The following ATG3 variants were observed in gnomAD, a reference collection of about 807,000 sequenced individuals.
The protein encoded by ATG3 is ubiquitin-like-conjugating enzyme ATG3.
Under a neutral mutation model 50.7 loss-of-function variants are expected in ATG3, and 25 were observed. The observed-to-expected ratio is 0.49, with a 90% CI of 0.36 to 0.69. The LOEUF is 0.69. ATG3 is among the 30% of genes least tolerant of loss of function. The pLI, the probability that ATG3 is intolerant of heterozygous loss-of-function variation, is 0.00. For missense variants in ATG3, 281 were observed against 376.0 expected (o/e 0.75, Z 2.09); for synonymous variants, 119 against 125.5 (o/e 0.95, Z 0.34).
chr3:112,532,720 G>A lies in ATG3; in HGVS notation c.924C>T (p.Tyr308=). The part of the protein sequence containing the change: ...QAVIPTIEYD[Y]TRHFTM ...TTCATTACATTGTGAAGTGTCTTGT[G>A]TAGTCATATTCTATTGTTGGAATGA... The change falls in exon 12 of 12, where the codon TAC becomes TAT. Residue 308 remains tyrosine, a synonymous_variant. Coordinates refer to ENST00000283290, the MANE Select transcript of ATG3 (RefSeq NM_022488.5). 6.3e-7 allele frequency: 1 copy of A among 1,597,480 alleles called. No homozygotes were observed. Among genetic ancestry groups the A allele is most frequent in the Non-Finnish European group, 8.5e-7 (1 of 1,171,446 alleles).
At chr3:112,561,367 C>A in intron 1 of ATG3, 90 bp downstream of exon 1, 1 of 1,383,516 alleles carries the variant, frequency 7.2e-7, no homozygotes, top group Non-Finnish European at 1.0e-6. Flanking sequence ...CACCTTGCCC[C>A]GCCGGAGAAA....
chr3:112,547,908 T>C (rs1004556668), intron 5 of ATG3, among the ~76,000 whole-genome samples: 2 of 152,232 alleles, frequency 1.3e-5, no homozygotes, highest in Non-Finnish European at 2.9e-5. Flanking sequence ...AATCCAGCAA[T>C]GGAATGACAA....
At chr3:112,558,923 G>C (rs34705559) in intron 1 of ATG3, among the ~76,000 whole-genome samples, 1 of 151,962 alleles carries the variant, frequency 6.6e-6, no homozygotes, top group African/African-American at 2.4e-5. Context: ...ATTTTTAGTA[G>C]AGACAGGGTT....
At chr3:112,543,752 A>G (rs1933294419) in intron 6 of ATG3, among the ~76,000 whole-genome samples, 1 of 152,218 alleles carries the variant, frequency 6.6e-6, no homozygotes, top group South Asian at 2.1e-4. Flanking sequence ...CTTTTAAACT[A>G]GCCTAGAAGT....
chr3:112,550,078 A>T, intron 4 of ATG3, 114 bp downstream of exon 4: 1 of 664,772 alleles, frequency 1.5e-6, no homozygotes, highest in Non-Finnish European at 2.5e-6. Context: ...AAAAGAAATA[A>T]CAGAAAGAGG....
chr3:112,534,335 T>C lies in ATG3; in HGVS notation c.797A>G (p.His266Arg). 3.4e-6 allele frequency: 5 copies of C among 1,480,814 alleles called. No homozygotes were observed. The highest frequency in any genetic ancestry group is 4.4e-6 in the Non-Finnish European group (5 of 1,126,028). The allele number at this position is 1,480,814 out of a possible 1,614,324, so 91.7% of individuals were successfully genotyped here. ...AATGATTTTCTTCATCACCTCAGCA[T>C]GCCTAGAAGCCAAAAAAAAAAAAAA... ...PPMCSVHPCR[H>R]AEVMKKIIET... The change falls in exon 11 of 12, where the codon CAT (histidine) becomes CGT (arginine). Residue 266 changes from histidine to arginine, a missense_variant and splice_region_variant. Physicochemically the swap from His to Arg is conservative, Grantham distance 29 (BLOSUM62 0). This residue lies in a region of ATG3 where 242 missense variants were observed against 305.0 expected (regional missense o/e 0.79). Transcript: ENST00000283290.
intron 1 of ATG3, among the ~76,000 whole-genome samples, chr3:112,558,661 TA>T (rs1933752834): frequency 6.6e-6 from 1 of 152,132 alleles, no homozygotes; most frequent in African/African-American, 2.4e-5. Context: ...AAGTCTAATG[TA>T]GGAAACAGAC....
At chr3:112,550,094 A>T (rs1933488112) in intron 4 of ATG3, 98 bp downstream of exon 4, 11 of 838,770 alleles carry the variant, frequency 1.3e-5, no homozygotes, top group Non-Finnish European at 2.0e-5. Context: ...AGAGGTGATA[A>T]AACTAAGGAA....
Position 112,532,582 on chromosome 3 carries a change from A to G in ATG3, c.*117T>C, listed in dbSNP as rs2082563751. 10 of 667,464 alleles carry G rather than the reference A, an allele frequency of 1.5e-5. No homozygotes were observed. The South Asian group carries it at 1.8e-4, about 12-fold the overall frequency. 41.3% of individuals were successfully genotyped at this position (667,464 alleles called of 1,614,324 possible). A position where few individuals can be genotyped will look rare whatever the true frequency, so the allele number is the denominator to read the frequency against. ...ATATTTTTATTTAATGCATAAACAT[A>G]TAAGTCCCTTATTAGAGAAACTGTA... On this transcript the variant is annotated 3_prime_UTR_variant, in exon 12 of 12. Transcript: ENST00000283290.
chr3:112,537,127 C>T (rs1933085197), intron 9 of ATG3, among the ~76,000 whole-genome samples: 1 of 151,906 alleles, frequency 6.6e-6, no homozygotes, highest in African/African-American at 2.4e-5. Flanking sequence ...GAGTCACAGC[C>T]AAGCTCTGTG....
At chr3:112,550,100 A>AGGAAAAAATTTTCAAGCAAT (rs1559846985) in intron 4 of ATG3, 92 bp downstream of exon 4, 1 of 892,058 alleles carries the variant, frequency 1.1e-6, no homozygotes, top group Non-Finnish European at 1.7e-6. Flanking sequence ...GATAAAACTA[A>AGGAAAAAATTTTCAAGCAAT]GGAAAAAATT....
intron 5 of ATG3, among the ~76,000 whole-genome samples, chr3:112,545,969 A>G (rs1933357544): frequency 6.6e-6 from 1 of 152,156 alleles, no homozygotes; most frequent in Non-Finnish European, 1.5e-5. Flanking sequence ...AATTAGTTGA[A>G]GGCCTTGTAA....
chr3:112,549,523 T>A lies in ATG3; in HGVS notation c.235+669A>T, dbSNP rs536296508. On this transcript the variant is annotated intron_variant, in intron 4 of 11. Transcript: ENST00000283290. ...AACTTCATAAATAAAACACTACCTG[T>A]TTCAGCCAGGCGCGGTGGCTCACAC... 1.8e-3 allele frequency among the ~76,000 whole-genome samples: 277 copies of A among 152,236 alleles called. 2 individuals are homozygous for A. Among genetic ancestry groups the A allele is most frequent in the African/African-American group, 6.5e-3 (268 of 41,546 alleles).
In ATG3 at chr3:112,538,152, T is replaced by C. The variant is rs769783390; in HGVS notation, c.504A>G (p.Thr168=). The stretch of plus-strand genomic sequence containing the variant: ...GAAAACTCAATTTACAAACCTCATC[T>C]GTTTCCAACAATCCACTCTCTTCAT... ...EEYEESGLLE[T]DEATLDTRKI... Residue 168 remains threonine (T), a synonymous_variant, in exon 8 of 12, where the codon ACA becomes ACG. Coordinates refer to ENST00000283290, the MANE Select transcript of ATG3 (RefSeq NM_022488.5). 6.3e-7 allele frequency: 1 copy of C among 1,582,398 alleles called. No homozygotes were observed. The highest frequency in any genetic ancestry group is 1.2e-5 in the South Asian group (1 of 86,608).
chr3:112,542,101 T>C (rs1933247894), intron 6 of ATG3, among the ~76,000 whole-genome samples: 1 of 149,546 alleles, frequency 6.7e-6, no homozygotes, highest in South Asian at 2.1e-4. Context: ...ACAAAGGTTA[T>C]TATGGGAGCA....
intron 10 of ATG3, chr3:112,535,152 A>T (rs1186685769): frequency 6.6e-6 from 1 of 152,170 alleles, no homozygotes; most frequent in East Asian, 1.9e-4. Context: ...TTAAAGAAAC[A>T]GTCTTTTTAA....
At chr3:112,540,988 T>C (rs1440928937) in intron 7 of ATG3, among the ~76,000 whole-genome samples, 3 of 152,186 alleles carry the variant, frequency 2.0e-5, no homozygotes, top group Non-Finnish European at 4.4e-5. Flanking sequence ...CTAGTGGGTT[T>C]CTCTCTCTTT....
At chr3:112,544,128 AG>A in intron 5 of ATG3, 22 bp from the exon 6 acceptor site, 1 of 1,572,398 alleles carries the variant, frequency 6.4e-7, no homozygotes, top group Non-Finnish European at 8.7e-7. Context: ...TCGGCAGAAA[AG>A]AATAACTAAA....
intron 10 of ATG3, chr3:112,535,766 T>G (rs1049322349): frequency 1.3e-5 from 2 of 152,218 alleles, no homozygotes; most frequent in African/African-American, 4.8e-5. Flanking sequence ...AATATGAGTT[T>G]CACTGAAAAA....
Sources: allele counts gnomAD v4.1 joint callset (sites outside exome capture counted in the v4.1 genomes callset), GRCh38; gene constraint gnomAD v4.1.1; regional missense constraint gnomAD v4.1.1; transcripts MANE v1.5; gene names NCBI Gene and HGNC (gene_info 2026-07-23, HGNC 2026-07-21).